The following PHF24 variants were observed in gnomAD, a reference collection of about 807,000 sequenced individuals.
PHF24 encodes Galpha inhibitory interacting protein.
PHF24 carries 25 observed loss-of-function variants against 42.6 expected under a neutral mutation model. That is an observed-to-expected ratio of 0.59 (90% CI 0.43 to 0.82). The LOEUF (loss-of-function observed/expected upper bound fraction) is 0.82, where lower values mean the gene tolerates loss of function less well. PHF24 is among the 40% of genes least tolerant of loss of function. PHF24 has a pLI of 0.00. For synonymous variants in PHF24, 185 were observed against 204.8 expected, an observed-to-expected ratio of 0.90 and a Z score of 0.83; for missense variants, 470 against 538.1, an observed-to-expected ratio of 0.87 and a Z score of 1.25.
At chr9:34,752,303 G>C in the PHF24 span, among the ~76,000 whole-genome samples, 4 of 151,874 alleles carry the variant, frequency 2.6e-5, no homozygotes, top group African/African-American at 9.7e-5. Flanking sequence ...CTTTAGCCAG[G>C]CTAAGAAAAA....
chr9:34,828,597 A>T, the PHF24 span, among the ~76,000 whole-genome samples: 2 of 151,884 alleles, frequency 1.3e-5, no homozygotes, highest in Admixed American at 6.6e-5. Context: ...CACCTTCATC[A>T]CTCATCTAAA....
At chr9:34,729,266 T>C in the PHF24 span, 43 of 1,550,404 alleles carry the variant, frequency 2.8e-5, no homozygotes, top group Middle Eastern at 1.7e-4. Context: ...ATTAGTTCAG[T>C]TGGGATCACA....
the PHF24 span, among the ~76,000 whole-genome samples, chr9:34,879,139 G>A: frequency 1.3e-5 from 2 of 152,218 alleles, no homozygotes; most frequent in African/African-American, 4.8e-5. Flanking sequence ...ACCTGCAGCT[G>A]AGAGTCCTGA....
chr9:34,847,094 G>T, the PHF24 span, among the ~76,000 whole-genome samples: 1 of 152,048 alleles, frequency 6.6e-6, no homozygotes, highest in Non-Finnish European at 1.5e-5. Context: ...CTCTTTTTTG[G>T]TTCCATATGA....
At chr9:34,710,055 TGACTGAGCCATGTCTG>T in the PHF24 span, 1 of 1,613,692 alleles carries the variant, frequency 6.2e-7, no homozygotes, top group African/African-American at 1.3e-5. Context: ...TCAGAGCCAG[TGACTGAGCCATGTCTG>T]TGGTAGAGGG....
the PHF24 span, among the ~76,000 whole-genome samples, chr9:34,940,181 T>C: frequency 1.3e-5 from 2 of 152,004 alleles, no homozygotes; most frequent in African/African-American, 4.8e-5. Context: ...ATTCCTTTCC[T>C]TGCACTAAGA....
At chr9:34,833,531 A>T in the PHF24 span, 1 of 1,551,492 alleles carries the variant, frequency 6.4e-7, no homozygotes, top group Non-Finnish European at 8.7e-7. Flanking sequence ...CTGTGTGGAT[A>T]TGTTCTCTGG....
chr9:34,780,237 A>G, the PHF24 span, among the ~76,000 whole-genome samples: 1 of 150,524 alleles, frequency 6.6e-6, no homozygotes, highest in African/African-American at 2.4e-5. Flanking sequence ...AGAAATCTTT[A>G]TAGCCTTAGA....
the PHF24 span, among the ~76,000 whole-genome samples, chr9:34,826,105 G>C: frequency 1.3e-5 from 2 of 152,192 alleles, no homozygotes; most frequent in East Asian, 3.9e-4. Context: ...CCCTCCTTCT[G>C]GAAACTGGAT....
At chr9:34,840,601 C>T in the PHF24 span, among the ~76,000 whole-genome samples, 2 of 151,750 alleles carry the variant, frequency 1.3e-5, no homozygotes, top group Non-Finnish European at 2.9e-5. Flanking sequence ...ACAATCATAG[C>T]TCACTGCAGC....
the PHF24 span, among the ~76,000 whole-genome samples, chr9:34,773,235 C>T: frequency 1.4e-4 from 21 of 152,282 alleles, no homozygotes; most frequent in Admixed American, 1.1e-3. Flanking sequence ...GGTGATCCGC[C>T]CATCTTGGCC....
the PHF24 span, among the ~76,000 whole-genome samples, chr9:34,865,573 T>G: frequency 1.8e-3 from 244 of 138,354 alleles, no homozygotes; most frequent in African/African-American, 5.7e-3. Context: ...CAAAAGTAAA[T>G]AAATAAAATA....
the PHF24 span, among the ~76,000 whole-genome samples, chr9:34,789,531 C>T: frequency 6.6e-6 from 1 of 152,240 alleles, no homozygotes; most frequent in East Asian, 1.9e-4. Context: ...GGCAGAGAAT[C>T]TTGAAGTTGG....
intron 5 of PHF24, 142 bp downstream of exon 5, chr9:34,976,882 G>A (rs1563937335): frequency 3.3e-6 from 3 of 909,826 alleles, no homozygotes. Context: ...TCCAGTGACA[G>A]ATGATCTGGT....
chr9:34,811,655 C>A, the PHF24 span, among the ~76,000 whole-genome samples: 1 of 152,000 alleles, frequency 6.6e-6, no homozygotes, highest in African/African-American at 2.4e-5. Flanking sequence ...GGCTAAATAG[C>A]CTAAGACAAG....
the PHF24 span, chr9:34,922,696 T>A: frequency 6.8e-7 from 1 of 1,475,888 alleles, no homozygotes; most frequent in African/African-American, 1.4e-5. Flanking sequence ...CCATCTGCTG[T>A]TTTTTTCTCA....
the PHF24 span, among the ~76,000 whole-genome samples, chr9:34,887,608 C>T: frequency 3.9e-5 from 6 of 152,184 alleles, no homozygotes; most frequent in African/African-American, 9.7e-5. Flanking sequence ...GTGGTTTACT[C>T]GCTTATCACC....
In PHF24 at chr9:34,972,418, ACCAGGGTTTT is replaced by A; in HGVS notation, c.455_464del (p.Arg152MetfsTer19). The A allele has an allele frequency of 6.2e-7, 1 of 1,614,166 alleles. No individual in the cohort carries two copies. ...GAGCCTCTTCCCGTGCAGGGTCTGC[ACCAGGGTTTT>A]CCATGATGGCTGCCTGCGCCGCATG... On this transcript the variant is annotated frameshift_variant, in exon 3 of 8. Transcript: ENST00000242315. LOFTEE classifies it high-confidence loss of function.
chr9:34,705,310 A>G, the PHF24 span, among the ~76,000 whole-genome samples: 1 of 152,022 alleles, frequency 6.6e-6, no homozygotes, highest in Non-Finnish European at 1.5e-5. Context: ...CCTTTATTTT[A>G]TTTTTAAAAT....
Sources: gnomAD v4.1 joint callset for allele counts (sites outside exome capture counted in the v4.1 genomes callset) on GRCh38, gnomAD v4.1.1 for gene constraint, MANE v1.5 for transcripts, NCBI Gene and HGNC (gene_info 2026-07-23, HGNC 2026-07-21) for gene names.